Variants in NEBL observed in about 807,000 individuals in gnomAD.
The protein encoded by NEBL is LIM and SH3 protein 2.
NEBL carries 122 observed loss-of-function variants against 140.2 expected under a neutral mutation model. That is an observed-to-expected ratio of 0.87 (90% CI 0.75 to 1.01). The LOEUF is 1.01. Ranked by LOEUF, NEBL falls within the 50% of genes least tolerant of loss-of-function variation. The probability of loss-of-function intolerance (pLI) is 0.00; values close to 1 mark genes in which losing one functional copy is unlikely to be tolerated. For missense variants in NEBL, 1,365 were observed against 1,231.3 expected (o/e 1.11, Z -1.62); for synonymous variants, 436 against 398.9 (o/e 1.09, Z -1.11).
chr10:21,243,298 CT>C (rs34974511), intron 3 of NEBL, among the ~76,000 whole-genome samples: 9,340 of 122,520 alleles, frequency 0.076, 265 homozygotes, highest in African/African-American at 0.11. Context: ...ATTGAGCATT[CT>C]TTTTTTTTTT....
At chr10:21,159,918 C>T (rs1321048584) in intron 2 of NEBL, among the ~76,000 whole-genome samples, 1 of 152,222 alleles carries the variant, frequency 6.6e-6, no homozygotes, top group Admixed American at 6.5e-5. Flanking sequence ...AAATATTCCC[C>T]TGCTGGTCTC....
chr10:21,176,385 C>G (rs1002072047), upstream of NEBL, among the ~76,000 whole-genome samples: 1 of 152,182 alleles, frequency 6.6e-6, no homozygotes, highest in African/African-American at 2.4e-5. Flanking sequence ...TACATTAAAA[C>G]CATATTCATG....
At chr10:21,270,181 T>C (rs955288948) in intron 1 of NEBL, among the ~76,000 whole-genome samples, 18 of 152,154 alleles carry the variant, frequency 1.2e-4, no homozygotes, top group African/African-American at 4.3e-4. Flanking sequence ...CCCCTACAGT[T>C]TCTGTCATCC....
chr10:21,159,162 A>G (rs1446724339), intron 2 of NEBL, among the ~76,000 whole-genome samples: 2 of 151,956 alleles, frequency 1.3e-5, no homozygotes, highest in Non-Finnish European at 2.9e-5. Context: ...AATAATTAAC[A>G]CTTTTTCAAT....
intron 3 of NEBL, among the ~76,000 whole-genome samples, chr10:21,007,433 T>C (rs1476986901): frequency 2.6e-5 from 4 of 152,246 alleles, no homozygotes; most frequent in African/African-American, 7.2e-5. Flanking sequence ...TTGTAATTTA[T>C]GCCAAGAAAG....
intron 4 of NEBL, among the ~76,000 whole-genome samples, chr10:20,921,291 G>A (rs781114885): frequency 6.6e-6 from 1 of 151,940 alleles, no homozygotes; most frequent in Non-Finnish European, 1.5e-5. Flanking sequence ...ATTTGCCTCC[G>A]GCCCAGCTCC....
chr10:20,811,206 T>C (rs1243393572), intron 24 of NEBL, among the ~76,000 whole-genome samples: 1 of 152,158 alleles, frequency 6.6e-6, no homozygotes, highest in Non-Finnish European at 1.5e-5. Context: ...GAGTCATACA[T>C]CTTATATTTT....
intron 3 of NEBL, among the ~76,000 whole-genome samples, chr10:21,200,185 C>A (rs955590524): frequency 1.3e-5 from 2 of 152,040 alleles, no homozygotes; most frequent in Non-Finnish European, 2.9e-5. Context: ...GGCCCCCACT[C>A]GCTACTCAGA....
intron 1 of NEBL, among the ~76,000 whole-genome samples, chr10:21,272,680 T>C (rs1204190401): frequency 6.6e-6 from 1 of 152,192 alleles, no homozygotes; most frequent in Non-Finnish European, 1.5e-5. Flanking sequence ...TATCTACAAG[T>C]TGCTTTTTGC....
At chr10:20,899,758 G>A (rs1232416647), upstream of NEBL, 1 of 196,336 alleles carries the variant, frequency 5.1e-6, no homozygotes, top group Non-Finnish European at 1.1e-5. Flanking sequence ...TGTGCTTGGT[G>A]TTAGAGATAG....
intron 4 of NEBL, among the ~76,000 whole-genome samples, chr10:20,931,233 G>C (rs931780949): frequency 6.6e-6 from 1 of 151,998 alleles, no homozygotes; most frequent in African/African-American, 2.4e-5. Flanking sequence ...CTTCTAAACA[G>C]CTGGTAGATA....
chr10:21,167,054 A>AATCACACTCAACAGGG (rs1554830410), intron 2 of NEBL, among the ~76,000 whole-genome samples: 3 of 152,190 alleles, frequency 2.0e-5, no homozygotes, highest in Admixed American at 6.5e-5. Flanking sequence ...TGGCCTCGAT[A>AATCACACTCAACAGGG]ATCACACTCA....
At chr10:20,836,524 A>G (rs890044137) in intron 13 of NEBL, among the ~76,000 whole-genome samples, 1 of 152,082 alleles carries the variant, frequency 6.6e-6, no homozygotes, top group African/African-American at 2.4e-5. Context: ...CATCTGGCCA[A>G]TCAGTGATCT....
rs571819050 is a variant in NEBL at position 21,064,106 on chromosome 10, T to C, written c.165-43905A>G. On this transcript the variant is annotated intron_variant, in intron 2 of 6. Transcript: ENST00000417816. ...TTCTGGAGTTAAGGCTTCTTTTTACTCAGGGGTTTTTGTTTGATTTTGTTT... is the reference window on the plus strand; with the variant it reads ...TTCTGGAGTTAAGGCTTCTTTTTACCCAGGGGTTTTTGTTTGATTTTGTTT... Among the ~76,000 whole-genome samples, 9 of 152,214 alleles carry C rather than the reference T, an allele frequency of 5.9e-5. No homozygotes were observed. The South Asian group carries it at 1.9e-3, about 32-fold the overall frequency.
intron 4 of NEBL, among the ~76,000 whole-genome samples, chr10:20,927,844 T>C (rs1295800169): frequency 1.3e-5 from 2 of 152,142 alleles, no homozygotes; most frequent in Non-Finnish European, 2.9e-5. Context: ...TGGTAAGATA[T>C]GACTTACTCC....
chr10:21,172,480 G>GT, intron 1 of NEBL: 7 of 1,543,348 alleles, frequency 4.5e-6, no homozygotes, highest in Middle Eastern at 1.7e-4. Context: ...TGCCAATACT[G>GT]GAAAAAAAAA....
At position 21,284,229 on chromosome 10, in the gene NEBL, A is replaced by AC. The variant is rs1398932171; in HGVS notation, n.182+8600_182+8601insG. 1.0e-3 allele frequency among the ~76,000 whole-genome samples: 128 copies of AC among 123,602 alleles called. 2 individuals carry two copies. Among genetic ancestry groups the AC allele is most frequent in the Non-Finnish European group, 3.9e-4 (23 of 59,044 alleles). The allele number at this position is 123,602 out of a possible 152,430, so 81.1% of individuals were successfully genotyped here. ...CGTCTCCAAAAAAAAAAAAAAAAAA[A>AC]AAAACGAAAATGAAGTGGCTTGAAG... On this transcript the variant is annotated intron_variant and non_coding_transcript_variant, in intron 1 of 8. Coordinates refer to the NEBL transcript ENST00000675702.
chr10:20,844,513 TAA>T (rs59118016), intron 12 of NEBL, among the ~76,000 whole-genome samples: 1 of 138,954 alleles, frequency 7.2e-6, no homozygotes, highest in Non-Finnish European at 1.6e-5. Context: ...TTAAAAAACA[TAA>T]AAAAAAAAAA....
intron 2 of NEBL, chr10:21,029,883 C>G: frequency 1.5e-6 from 1 of 654,084 alleles, no homozygotes; most frequent in South Asian, 1.7e-5. Context: ...ACAGAGGAGG[C>G]AGGGACCGCT....
Sources: gnomAD v4.1 joint callset for allele counts (sites outside exome capture counted in the v4.1 genomes callset) on GRCh38, gnomAD v4.1.1 for gene constraint, MANE v1.5 for transcripts, NCBI Gene and HGNC (gene_info 2026-07-23, HGNC 2026-07-21) for gene names.